The following KITLG variants were observed in gnomAD, a reference collection of about 807,000 sequenced individuals.
KITLG encodes KIT ligand.
In KITLG, 13 loss-of-function variants were observed where a neutral mutation model predicts 34.1. That is an observed-to-expected ratio of 0.38 (90% CI 0.25 to 0.61). KITLG has a LOEUF of 0.61. KITLG is among the 20% of genes least tolerant of loss of function. The pLI is 0.60. For missense variants in KITLG, 292 were observed against 318.9 expected, an observed-to-expected ratio of 0.92 and a Z score of 0.64; for synonymous variants, 110 against 104.0, an observed-to-expected ratio of 1.06 and a Z score of -0.35.
At chr12:88,556,452 CAA>C (rs1871102035) in intron 1 of KITLG, among the ~76,000 whole-genome samples, 8 of 151,974 alleles carry the variant, frequency 5.3e-5, no homozygotes, top group Admixed American at 5.2e-4. Flanking sequence ...TGAAGTAATC[CAA>C]AGCTGAGATG....
At chr12:88,540,650 T>C (rs538528637) in intron 2 of KITLG, among the ~76,000 whole-genome samples, 6 of 152,020 alleles carry the variant, frequency 3.9e-5, no homozygotes, top group Admixed American at 2.6e-4. Flanking sequence ...AAGATAAAAA[T>C]AAAAATTCAA....
chr12:88,552,870 C>T (rs999085231), intron 1 of KITLG, among the ~76,000 whole-genome samples: 2 of 152,064 alleles, frequency 1.3e-5, no homozygotes, highest in Non-Finnish European at 2.9e-5. Flanking sequence ...CCTGAGTATC[C>T]ATTTATCAGC....
chr12:88,516,400 T>G lies in KITLG; in HGVS notation c.454A>C (p.Lys152Gln). ...GTTTCAGATGCCACTACAAAGTCCT[T>G]GAAGGCATCAATGGATCTATTAAAA... ...RIFNRSIDAF[K>Q]DFVVASETSD... Residue 152 changes from lysine (K) to glutamine (Q), a missense_variant, in exon 5 of 10, where the codon AAG (lysine) becomes CAG (glutamine). Transcript: ENST00000644744. 1 of 1,611,088 alleles carries G rather than the reference T, an allele frequency of 6.2e-7. No homozygotes were observed. The highest frequency in any genetic ancestry group is 1.1e-5 in the South Asian group (1 of 91,002).
intron 2 of KITLG, among the ~76,000 whole-genome samples, chr12:88,535,434 T>A (rs1870274819): frequency 1.3e-5 from 2 of 152,162 alleles, no homozygotes; most frequent in South Asian, 4.1e-4. Context: ...TTAAGCTTAT[T>A]TTACAAATGA....
At chr12:88,568,212 T>G (rs905285674) in intron 1 of KITLG, among the ~76,000 whole-genome samples, 6 of 152,154 alleles carry the variant, frequency 3.9e-5, no homozygotes, top group African/African-American at 1.4e-4. Flanking sequence ...CATAATCCAT[T>G]CCCTAAAGCT....
At chr12:88,572,448 G>T (rs1042162946) in intron 1 of KITLG, among the ~76,000 whole-genome samples, 2 of 150,936 alleles carry the variant, frequency 1.3e-5, no homozygotes, top group East Asian at 3.9e-4. Context: ...TTAAAAAAAG[G>T]TACATTATTT....
intron 1 of KITLG, among the ~76,000 whole-genome samples, chr12:88,559,524 C>G (rs975925030): frequency 3.3e-5 from 5 of 152,134 alleles, no homozygotes; most frequent in Non-Finnish European, 7.3e-5. Flanking sequence ...ATCAAATGCA[C>G]TTCAATATAC....
chr12:88,579,488 CA>C, intron 1 of KITLG, among the ~76,000 whole-genome samples: 1 of 152,304 alleles, frequency 6.6e-6, no homozygotes, highest in South Asian at 2.1e-4. Context: ...ATTGTCCCCC[CA>C]GGCAGCGCTT....
chr12:88,554,280 G>A (rs1214433248), intron 1 of KITLG, among the ~76,000 whole-genome samples: 1 of 151,928 alleles, frequency 6.6e-6, no homozygotes, highest in South Asian at 2.1e-4. Context: ...ATAAAATACA[G>A]AAAAAAAGCC....
intron 2 of KITLG, among the ~76,000 whole-genome samples, chr12:88,539,564 G>A (rs11104941): frequency 0.079 from 11,937 of 151,764 alleles, 515 homozygotes; most frequent in Non-Finnish European, 0.1. Context: ...TAACCAACCA[G>A]GTGTATTACC....
intron 9 of KITLG, among the ~76,000 whole-genome samples, chr12:88,503,068 C>A (rs896017847): frequency 6.6e-5 from 10 of 152,052 alleles, no homozygotes; most frequent in African/African-American, 2.2e-4. Flanking sequence ...GAAGAATGAG[C>A]CTAGAAAGAA....
intron 9 of KITLG, among the ~76,000 whole-genome samples, chr12:88,500,182 G>A (rs1184782120): frequency 1.3e-5 from 2 of 152,212 alleles, no homozygotes; most frequent in South Asian, 4.1e-4. Flanking sequence ...TACTGACTTA[G>A]TTTACGCCAT....
chr12:88,544,941 A>C (rs190021600), intron 2 of KITLG, among the ~76,000 whole-genome samples: 1 of 139,714 alleles, frequency 7.2e-6, no homozygotes, highest in East Asian at 1.9e-4. Flanking sequence ...CTATTCTCGC[A>C]TCACCTCCGT....
At chr12:88,561,395 A>C (rs1307752338) in intron 1 of KITLG, among the ~76,000 whole-genome samples, 1 of 152,156 alleles carries the variant, frequency 6.6e-6, no homozygotes, top group Non-Finnish European at 1.5e-5. Context: ...GATTCTTCCC[A>C]GTCCCCTATT....
At chr12:88,511,486 T>C (rs554352966) in intron 6 of KITLG, among the ~76,000 whole-genome samples, 2 of 152,158 alleles carry the variant, frequency 1.3e-5, no homozygotes, top group African/African-American at 2.4e-5. Flanking sequence ...GAGTCAGAGA[T>C]TGAAGTTCAG....
At chr12:88,576,702 T>C (rs1033630507) in intron 1 of KITLG, among the ~76,000 whole-genome samples, 2 of 152,148 alleles carry the variant, frequency 1.3e-5, no homozygotes, top group South Asian at 2.1e-4. Context: ...CTAGAATCCT[T>C]CTACCAACCA....
At chr12:88,545,998 A>T in intron 1 of KITLG, 133 bp from the exon 2 acceptor site, 1 of 742,352 alleles carries the variant, frequency 1.3e-6, no homozygotes, top group African/African-American at 1.7e-5. Context: ...GCAATTAAAT[A>T]TTACGCATTC....
At position 88,532,476 on chromosome 12, in the gene KITLG, T is replaced by C; in HGVS notation, c.157A>G (p.Ile53Val). 6.2e-7 allele frequency: 1 copy of C among 1,610,734 alleles called. No homozygotes were observed. The highest frequency in any genetic ancestry group is 1.1e-5 in the South Asian group (1 of 90,170). The change falls in exon 3 of 10, where the codon ATA (isoleucine) becomes GTA (valine). Residue 53 changes from isoleucine to valine, a missense_variant. Ile to Val is a conservative substitution (Grantham distance 29). This residue lies in a region of KITLG where 152 missense variants were observed against 207.9 expected (regional missense o/e 0.73). Coordinates refer to ENST00000644744, the MANE Select transcript of KITLG (RefSeq NM_000899.5). ...ATCCCGGGGACATATTTGAGGGTTATCATGTAGTCTTTTGGAAGATTTGCC... is the reference window on the plus strand; with the variant it reads ...ATCCCGGGGACATATTTGAGGGTTACCATGTAGTCTTTTGGAAGATTTGCC... ...LVANLPKDYM[I>V]TLKYVPGMDV...
chr12:88,501,046 C>A (rs1239201247), intron 9 of KITLG, among the ~76,000 whole-genome samples: 4 of 152,146 alleles, frequency 2.6e-5, no homozygotes, highest in Non-Finnish European at 5.9e-5. Context: ...CCCCAAGGTA[C>A]TGGGATTACA....
Sources: gnomAD v4.1 joint callset for allele counts (sites outside exome capture counted in the v4.1 genomes callset) on GRCh38, gnomAD v4.1.1 for gene constraint, gnomAD v4.1.1 regional missense constraint, MANE v1.5 for transcripts, NCBI Gene and HGNC (gene_info 2026-07-23, HGNC 2026-07-21) for gene names.